The following CSMD3 variants were observed in gnomAD, a reference collection of about 807,000 sequenced individuals.
CSMD3 encodes the protein CUB and sushi domain-containing protein 3.
A neutral mutation model predicts 435.2 loss-of-function variants in CSMD3; 177 were observed. That is an observed-to-expected ratio of 0.41 (90% CI 0.36 to 0.46). The LOEUF is 0.46. Ranked by LOEUF, CSMD3 falls within the 20% of genes least tolerant of loss-of-function variation. The probability of loss-of-function intolerance (pLI) is 0.34; values close to 1 mark genes in which losing one functional copy is unlikely to be tolerated. For synonymous variants in CSMD3, 1,656 were observed against 1,520.5 expected (o/e 1.09, Z -2.07); for missense variants, 4,265 against 4,504.6 (o/e 0.95, Z 1.52).
chr8:112,657,195 T>C (rs2075278329), intron 17 of CSMD3, among the ~76,000 whole-genome samples: 1 of 151,884 alleles, frequency 6.6e-6, no homozygotes, highest in Admixed American at 6.6e-5. Flanking sequence ...TCTGAGTAGC[T>C]GGAATTACAG....
chr8:112,638,251 G>T (rs918694428), intron 21 of CSMD3, among the ~76,000 whole-genome samples: 3 of 148,694 alleles, frequency 2.0e-5, no homozygotes, highest in African/African-American at 4.9e-5. Flanking sequence ...ATTAATTCTG[G>T]CCTGTTGACT....
chr8:112,472,352 T>A (rs1176288230), intron 32 of CSMD3, among the ~76,000 whole-genome samples: 6 of 152,188 alleles, frequency 3.9e-5, no homozygotes, highest in Admixed American at 3.9e-4. Context: ...TTTTTAAAAA[T>A]TAAAAACAAT....
chr8:113,120,178 G>A (rs1330572119), intron 4 of CSMD3, among the ~76,000 whole-genome samples: 1 of 151,914 alleles, frequency 6.6e-6, no homozygotes, highest in African/African-American at 2.4e-5. Context: ...CAAGTATCAG[G>A]ACTTTTTAAA....
intron 1 of CSMD3, among the ~76,000 whole-genome samples, chr8:113,383,066 G>A (rs949316685): frequency 6.6e-6 from 1 of 152,150 alleles, no homozygotes; most frequent in African/African-American, 2.4e-5. Context: ...AAGGAAATGA[G>A]AAAATCTGTT....
At chr8:112,878,152 T>G (rs1456616578) in intron 10 of CSMD3, among the ~76,000 whole-genome samples, 3 of 152,064 alleles carry the variant, frequency 2.0e-5, no homozygotes, top group Non-Finnish European at 4.4e-5. Context: ...GGGAGAAAAT[T>G]TTTGCAATGT....
chr8:112,513,581 T>C (rs1208938408), intron 28 of CSMD3, among the ~76,000 whole-genome samples: 1 of 152,132 alleles, frequency 6.6e-6, no homozygotes, highest in African/African-American at 2.4e-5. Context: ...GTTTGAAATA[T>C]TGTGAGAATT....
chr8:112,622,482 T>C (rs963687668), intron 22 of CSMD3, among the ~76,000 whole-genome samples: 2 of 152,202 alleles, frequency 1.3e-5, no homozygotes, highest in African/African-American at 4.8e-5. Flanking sequence ...CAATGTACAA[T>C]GTTCTCCAAC....
At chr8:112,974,197 C>T (rs1439467303) in intron 7 of CSMD3, among the ~76,000 whole-genome samples, 2 of 151,860 alleles carry the variant, frequency 1.3e-5, no homozygotes, top group African/African-American at 4.8e-5. Context: ...TATGGAACCA[C>T]CTTAAAAGTA....
chr8:113,208,626 G>A (rs750872804), intron 3 of CSMD3, among the ~76,000 whole-genome samples: 5 of 151,938 alleles, frequency 3.3e-5, no homozygotes, highest in Non-Finnish European at 7.4e-5. Flanking sequence ...TTATCTTGAA[G>A]TTTGTCATTA....
Position 113,171,006 on chromosome 8 carries a change from G to GA in CSMD3, c.709+2715dup, listed in dbSNP as rs879836399. Reference sequence around the variant, plus strand: ...TAACCCTGAAACTAAAATGGCAATAGAAAAAAAAAAAAGCAATAGAAGCAT... The same window carrying GA: ...TAACCCTGAAACTAAAATGGCAATAGAAAAAAAAAAAAAGCAATAGAAGCAT... On this transcript the variant is annotated intron_variant, in intron 4 of 70. Coordinates refer to ENST00000297405, the MANE Select transcript of CSMD3 (RefSeq NM_198123.2). Among the ~76,000 whole-genome samples the GA allele has an allele frequency of 2.4e-3, 328 of 134,832 alleles. 3 individuals are homozygous for GA. The highest frequency in any genetic ancestry group is 1.5e-3 in the African/African-American group (54 of 36,592). The allele number at this position is 134,832 out of a possible 152,430, so 88.5% of individuals were successfully genotyped here. A position where few individuals can be genotyped will look rare whatever the true frequency, so the allele number is the denominator to read the frequency against.
At chr8:112,431,616 G>T (rs556699623) in intron 32 of CSMD3, among the ~76,000 whole-genome samples, 92 of 152,164 alleles carry the variant, frequency 6.0e-4, no homozygotes, top group Non-Finnish European at 1.0e-3. Flanking sequence ...TCTGTATAGT[G>T]CACTACTCAA....
At chr8:113,387,829 G>C (rs1170616285) in intron 1 of CSMD3, among the ~76,000 whole-genome samples, 1 of 151,736 alleles carries the variant, frequency 6.6e-6, no homozygotes, top group Non-Finnish European at 1.5e-5. Context: ...TTCTTACTAA[G>C]TGTGGAAAAC....
At chr8:112,754,024 T>C (rs972475527) in intron 13 of CSMD3, among the ~76,000 whole-genome samples, 8 of 152,192 alleles carry the variant, frequency 5.3e-5, no homozygotes. Flanking sequence ...AAAAGTCTGA[T>C]GAATAATGCA....
At chr8:113,035,137 A>T (rs190108107) in intron 5 of CSMD3, among the ~76,000 whole-genome samples, 109 of 152,188 alleles carry the variant, frequency 7.2e-4, no homozygotes, top group Non-Finnish European at 1.4e-3. Context: ...AAAGCAATGA[A>T]ATTGAAAGGA....
intron 4 of CSMD3, among the ~76,000 whole-genome samples, chr8:113,167,920 G>T (rs1003957238): frequency 6.6e-6 from 1 of 152,180 alleles, no homozygotes; most frequent in Non-Finnish European, 1.5e-5. Context: ...ACTGGCAAGT[G>T]TGGTGGTGGA....
At chr8:112,791,677 AAAT>A (rs2078696649) in intron 13 of CSMD3, among the ~76,000 whole-genome samples, 6 of 152,154 alleles carry the variant, frequency 3.9e-5, no homozygotes, top group African/African-American at 1.2e-4. Context: ...AAATTTTAAA[AAAT>A]CTACTATGTA....
chr8:112,254,450 T>C, intron 62 of CSMD3, 124 bp from the exon 63 acceptor site: 2 of 740,442 alleles, frequency 2.7e-6, no homozygotes, highest in Non-Finnish European at 4.8e-6. Flanking sequence ...ATAAATAATG[T>C]AAATGTAATA....
At chr8:112,872,001 G>GA (rs1177451535) in intron 10 of CSMD3, among the ~76,000 whole-genome samples, 1 of 151,812 alleles carries the variant, frequency 6.6e-6, no homozygotes, top group Non-Finnish European at 1.5e-5. Context: ...TAATCCACTG[G>GA]AAAAATACTG....
At chr8:113,101,227 G>T (rs1330185224) in intron 4 of CSMD3, among the ~76,000 whole-genome samples, 1 of 152,058 alleles carries the variant, frequency 6.6e-6, no homozygotes. Context: ...TCTGTCTCAT[G>T]CTATGGGTAT....
Sources: gnomAD v4.1 joint callset for allele counts (sites outside exome capture counted in the v4.1 genomes callset) on GRCh38, gnomAD v4.1.1 for gene constraint, MANE v1.5 for transcripts, NCBI Gene and HGNC (gene_info 2026-07-23, HGNC 2026-07-21) for gene names.